Variants in SLC14A2 observed in about 807,000 individuals in gnomAD.
The protein encoded by SLC14A2 is solute carrier family 14 member 2.
Under a neutral mutation model 104.6 loss-of-function variants are expected in SLC14A2, and 91 were observed. The ratio of observed to expected loss-of-function variants is 0.87; its 90% confidence interval spans 0.73 to 1.04. The LOEUF is 1.04. Among genes scored for constraint, SLC14A2 ranks in the 50% least tolerant of loss-of-function variants. The pLI is 0.00. For missense variants in SLC14A2, 1,189 were observed against 1,156.0 expected (o/e 1.03, Z -0.41); for synonymous variants, 476 against 466.4 (o/e 1.02, Z -0.27).
intron 1 of SLC14A2, among the ~76,000 whole-genome samples, chr18:45,259,200 G>T (rs1262558846): frequency 6.6e-6 from 1 of 152,218 alleles, no homozygotes; most frequent in Non-Finnish European, 1.5e-5. Flanking sequence ...GGTGGAGAAA[G>T]ATCCCTATCA....
chr18:45,575,721 A>C (rs2044409031), intron 2 of SLC14A2, among the ~76,000 whole-genome samples: 1 of 152,184 alleles, frequency 6.6e-6, no homozygotes. Context: ...AAACGTTTAA[A>C]TATAAATCAA....
At chr18:45,213,614 AAAG>A (rs2083981171) in intron 1 of SLC14A2, among the ~76,000 whole-genome samples, 1 of 152,232 alleles carries the variant, frequency 6.6e-6, no homozygotes, top group Admixed American at 6.5e-5. Context: ...TCAAAACGTT[AAAG>A]GTGACTGAGT....
intron 3 of SLC14A2, 129 bp downstream of exon 3, chr18:45,625,992 G>C: frequency 1.6e-6 from 1 of 618,448 alleles, no homozygotes; most frequent in East Asian, 3.4e-5. Context: ...CCCAGGACTG[G>C]ACCTCACCCA....
chr18:45,524,813 C>A (rs1435919940), intron 2 of SLC14A2, among the ~76,000 whole-genome samples: 1 of 152,148 alleles, frequency 6.6e-6, no homozygotes, highest in Non-Finnish European at 1.5e-5. Context: ...AAGATAGAGG[C>A]ACCATGGCCC....
chr18:45,360,075 C>T (rs1409746312), intron 1 of SLC14A2, among the ~76,000 whole-genome samples: 3 of 152,220 alleles, frequency 2.0e-5, no homozygotes, highest in Admixed American at 6.5e-5. Flanking sequence ...CAGCTCCGGA[C>T]TTCTGCCCAA....
chr18:45,543,927 A>G (rs2043928380), intron 2 of SLC14A2, among the ~76,000 whole-genome samples: 1 of 152,214 alleles, frequency 6.6e-6, no homozygotes, highest in Non-Finnish European at 1.5e-5. Flanking sequence ...AAGGGTGGCT[A>G]TGAGGCCAGC....
At chr18:45,294,974 C>A (rs912460596) in intron 1 of SLC14A2, among the ~76,000 whole-genome samples, 3 of 152,202 alleles carry the variant, frequency 2.0e-5, no homozygotes, top group Admixed American at 6.5e-5. Context: ...TAAAGTGAAT[C>A]CTTAATGAAC....
At chr18:45,251,791 T>C (rs1305821426) in intron 1 of SLC14A2, among the ~76,000 whole-genome samples, 1 of 152,206 alleles carries the variant, frequency 6.6e-6, no homozygotes, top group Non-Finnish European at 1.5e-5. Flanking sequence ...TATCTCCAAA[T>C]ACAGCCACAT....
At chr18:45,268,964 T>TGTGTGTGTGTGTG (rs2084621690) in intron 1 of SLC14A2, among the ~76,000 whole-genome samples, 2 of 143,560 alleles carry the variant, frequency 1.4e-5, no homozygotes, top group South Asian at 2.2e-4. Flanking sequence ...GTTGGTGTGT[T>TGTGTGTGTGTGTG]TGTGTGTGTG....
Position 45,525,764 on chromosome 18 carries a change from C to T in SLC14A2, c.-35+42442C>T, listed in dbSNP as rs113704151. ...GTTTGTGTCCATATGAACTGGGACCCATGAACATACAATGGGTCACAATGC... is the reference window on the plus strand; with the variant it reads ...GTTTGTGTCCATATGAACTGGGACCTATGAACATACAATGGGTCACAATGC... On this transcript the variant is annotated intron_variant, in intron 2 of 20. Coordinates refer to the SLC14A2 transcript ENST00000586448. Among the ~76,000 whole-genome samples, 1,382 of 152,218 alleles carry T rather than the reference C, an allele frequency of 9.1e-3. 20 individuals are homozygous for T. Among genetic ancestry groups the T allele is most frequent in the African/African-American group, 0.032 (1,309 of 41,542 alleles).
intron 1 of SLC14A2, among the ~76,000 whole-genome samples, chr18:45,478,328 G>T (rs1350282647): frequency 6.6e-6 from 1 of 152,162 alleles, no homozygotes; most frequent in Non-Finnish European, 1.5e-5. Context: ...TGTCTAACCA[G>T]TCCCAATGAG....
At chr18:45,537,668 G>A (rs1263647700) in intron 2 of SLC14A2, among the ~76,000 whole-genome samples, 1 of 152,182 alleles carries the variant, frequency 6.6e-6, no homozygotes, top group Non-Finnish European at 1.5e-5. Context: ...GTCATGATTT[G>A]ACCTACATTT....
intron 1 of SLC14A2, among the ~76,000 whole-genome samples, chr18:45,311,332 A>G (rs1262892582): frequency 2.6e-5 from 4 of 152,228 alleles, no homozygotes; most frequent in Non-Finnish European, 4.4e-5. Context: ...CACTCTAAAC[A>G]CATAATCACA....
intron 2 of SLC14A2, among the ~76,000 whole-genome samples, chr18:45,543,973 G>T (rs895882944): frequency 1.3e-5 from 2 of 152,176 alleles, no homozygotes; most frequent in African/African-American, 4.8e-5. Context: ...GTCTCTAATG[G>T]GTTTCCCTGG....
At chr18:45,459,831 C>T (rs934766116) in intron 1 of SLC14A2, among the ~76,000 whole-genome samples, 22 of 152,186 alleles carry the variant, frequency 1.4e-4, no homozygotes, top group African/African-American at 5.1e-4. Context: ...ACGTTGAAAG[C>T]GTGGCCTGAC....
At chr18:45,331,902 C>T (rs1422900085) in intron 1 of SLC14A2, among the ~76,000 whole-genome samples, 3 of 152,144 alleles carry the variant, frequency 2.0e-5, no homozygotes, top group African/African-American at 4.8e-5. Flanking sequence ...GAAGTGACCT[C>T]TTCTTGTCAT....
the SLC14A2 span, among the ~76,000 whole-genome samples, chr18:45,202,311 G>A: frequency 1.3e-5 from 2 of 151,860 alleles, no homozygotes; most frequent in African/African-American, 4.8e-5. Flanking sequence ...AGATATTGAG[G>A]CTTAAAGGGA....
At chr18:45,182,856 A>G in the SLC14A2 span, among the ~76,000 whole-genome samples, 1 of 152,182 alleles carries the variant, frequency 6.6e-6, no homozygotes, top group Non-Finnish European at 1.5e-5. Context: ...TTCTGATTGT[A>G]ATTTATAGGT....
chr18:45,343,980 G>A (rs769311406), intron 1 of SLC14A2, among the ~76,000 whole-genome samples: 2 of 152,172 alleles, frequency 1.3e-5, no homozygotes, highest in Admixed American at 6.5e-5. Context: ...ATGAGGGCTC[G>A]TCTCCCAAGA....
Sources: allele counts gnomAD v4.1 joint callset (sites outside exome capture counted in the v4.1 genomes callset), GRCh38; gene constraint gnomAD v4.1.1; transcripts MANE v1.5; gene names NCBI Gene and HGNC (gene_info 2026-07-23, HGNC 2026-07-21).